The following ST3GAL1 variants were observed in gnomAD, a reference collection of about 807,000 sequenced individuals.
ST3GAL1 encodes the protein ST3 beta-galactoside alpha-2,3-sialyltransferase 1, also known as CMP-N-acetylneuraminate-beta-galactosamide-alpha-2,3-sialyltransferase 1.
ST3GAL1 carries 16 observed loss-of-function variants against 34.1 expected under a neutral mutation model. The observed-to-expected ratio is 0.47, with a 90% CI of 0.32 to 0.71. The LOEUF is 0.71. Among genes scored for constraint, ST3GAL1 ranks in the 30% least tolerant of loss-of-function variants. The pLI, the probability that ST3GAL1 is intolerant of heterozygous loss-of-function variation, is 0.04. For missense variants in ST3GAL1, 353 were observed against 447.4 expected, an observed-to-expected ratio of 0.79 and a Z score of 1.90; for synonymous variants, 191 against 184.7, an observed-to-expected ratio of 1.03 and a Z score of -0.28.
At chr8:133,517,593 G>C (rs1202512426) in intron 2 of ST3GAL1, among the ~76,000 whole-genome samples, 2 of 152,182 alleles carry the variant, frequency 1.3e-5, no homozygotes, top group Non-Finnish European at 2.9e-5. Flanking sequence ...CAAGTGATCT[G>C]CCTGCTTTGG....
intron 1 of ST3GAL1, among the ~76,000 whole-genome samples, chr8:133,547,984 G>C (rs1818718145): frequency 6.6e-6 from 1 of 152,164 alleles, no homozygotes; most frequent in African/African-American, 2.4e-5. Flanking sequence ...TTGTCTAAAG[G>C]CATTTGCCTG....
chr8:133,494,919 T>C (rs1242300974), intron 3 of ST3GAL1, among the ~76,000 whole-genome samples: 1 of 141,974 alleles, frequency 7.0e-6, no homozygotes, highest in East Asian at 2.1e-4. Context: ...TATTCTTTTT[T>C]TTTTTTTTTT....
chr8:133,561,393 C>G (rs1309236273), intron 1 of ST3GAL1, among the ~76,000 whole-genome samples: 1 of 152,124 alleles, frequency 6.6e-6, no homozygotes, highest in Non-Finnish European at 1.5e-5. Context: ...ATACCTGGGT[C>G]TCACCATCAG....
intron 3 of ST3GAL1, among the ~76,000 whole-genome samples, chr8:133,498,834 G>A (rs1040354064): frequency 2.0e-5 from 3 of 152,172 alleles, no homozygotes; most frequent in African/African-American, 7.2e-5. Context: ...TGGGAGAACA[G>A]ACCCAGGCTC....
rs1815529953 is a variant in ST3GAL1, at chr8:133,462,000, G to A, written c.730-6C>T. On this transcript the variant is annotated splice_region_variant and splice_polypyrimidine_tract_variant and intron_variant, in intron 8 of 9. Coordinates refer to ENST00000522652, the MANE Select transcript of ST3GAL1 (RefSeq NM_173344.3). The surrounding 1 kb of genome is among the most constrained non-coding windows in gnomAD (Gnocchi z 4.7). ...GCTGGGTGGTAGATCAGGATCTGCG[G>A]GGATGGGAAGACACGGCCCTTAGTG... is the stretch of plus-strand genomic sequence containing the variant. 1.2e-6 allele frequency: 2 copies of A among 1,614,060 alleles called. No homozygotes were observed. The highest frequency in any genetic ancestry group is 1.3e-5 in the African/African-American group (1 of 75,036).
chr8:133,515,002 T>G (rs1045364737), intron 2 of ST3GAL1, among the ~76,000 whole-genome samples: 2 of 152,106 alleles, frequency 1.3e-5, no homozygotes, highest in African/African-American at 4.8e-5. Context: ...CAAACCCTAC[T>G]CATATTTCAC....
chr8:133,457,849 A>T lies in ST3GAL1; in HGVS notation c.*1915T>A, dbSNP rs1815358609. ...CAGAGGGGGCTCCCCCGAGCCTGGG[A>T]GCACAGGCCCCATGCCTCCGTCACA... On this transcript the variant is annotated 3_prime_UTR_variant, in exon 10 of 10. Transcript: ENST00000522652. 1 of 152,242 alleles carries T rather than the reference A, an allele frequency of 6.6e-6. No homozygotes were observed. Among genetic ancestry groups the T allele is most frequent in the African/African-American group, 2.4e-5 (1 of 41,454 alleles). The allele number at this position is 152,242 out of a possible 1,614,324, so 9.4% of individuals were successfully genotyped here. A position where few individuals can be genotyped will look rare whatever the true frequency, so the allele number is the denominator to read the frequency against.
chr8:133,558,757 T>G (rs1383993451), intron 1 of ST3GAL1, among the ~76,000 whole-genome samples: 1 of 152,202 alleles, frequency 6.6e-6, no homozygotes, highest in Non-Finnish European at 1.5e-5. Flanking sequence ...TTTTTCTCCT[T>G]GTTTGGATTT....
chr8:133,567,952 A>C (rs1586676732), intron 1 of ST3GAL1, among the ~76,000 whole-genome samples: 2 of 141,178 alleles, frequency 1.4e-5, no homozygotes, highest in African/African-American at 5.4e-5. Flanking sequence ...AGACAGTCTC[A>C]CTCTGTCGCC....
At chr8:133,504,218 T>C (rs13281927) in intron 2 of ST3GAL1, among the ~76,000 whole-genome samples, 60,610 of 152,062 alleles carry the variant, frequency 0.4, 12,182 homozygotes, top group Middle Eastern at 0.5. Context: ...CCCAAGGTCA[T>C]GGAGCCAGCC....
intron 2 of ST3GAL1, among the ~76,000 whole-genome samples, chr8:133,510,737 A>G (rs190838773): frequency 1.3e-5 from 2 of 152,138 alleles, no homozygotes; most frequent in East Asian, 3.9e-4. Context: ...GGATTTACAA[A>G]CTCCATGCAC....
chr8:133,555,483 C>T (rs1313160724), intron 1 of ST3GAL1, among the ~76,000 whole-genome samples: 1 of 152,200 alleles, frequency 6.6e-6, no homozygotes, highest in African/African-American at 2.4e-5. Flanking sequence ...CAGTGACTCC[C>T]ACCCGCACCA....
Position 133,566,695 on chromosome 8 carries a change from T to C in ST3GAL1, c.-582+4998A>G, listed in dbSNP as rs568758127. 3.4e-3 allele frequency among the ~76,000 whole-genome samples: 524 copies of C among 152,280 alleles called. 6 individuals are homozygous for C. The highest frequency in any genetic ancestry group is 0.012 in the African/African-American group (490 of 41,554). On this transcript the variant is annotated intron_variant, in intron 1 of 9. Coordinates refer to ENST00000522652, the MANE Select transcript of ST3GAL1 (RefSeq NM_173344.3). The stretch of plus-strand genomic sequence containing the variant: ...CCATGCCACCCTCCCAAATCAGCTA[T>C]GAAAATCTGAGATAAAGTATACGGA...
At position 133,553,962 on chromosome 8, in the gene ST3GAL1, G is replaced by A. The variant is rs542847111; in HGVS notation, c.-581-8036C>T. 9.8e-5 allele frequency among the ~76,000 whole-genome samples: 15 copies of A among 152,292 alleles called. No individual in the cohort carries two copies. The South Asian group carries it at 3.1e-3, about 32-fold the overall frequency. On this transcript the variant is annotated intron_variant, in intron 1 of 9. Coordinates refer to ENST00000522652, the MANE Select transcript of ST3GAL1 (RefSeq NM_173344.3). ...GGCCAGGAGGAAGAGACACAAGGGAGAAGAGTACAGGGAGGTGTCCGGGGC... is the reference window on the plus strand; with the variant it reads ...GGCCAGGAGGAAGAGACACAAGGGAAAAGAGTACAGGGAGGTGTCCGGGGC...
intron 9 of ST3GAL1, among the ~76,000 whole-genome samples, chr8:133,460,873 C>T (rs945670111): frequency 1.3e-5 from 2 of 149,214 alleles, no homozygotes; most frequent in East Asian, 2.0e-4. Context: ...TGGGCTGCAG[C>T]GTGGAAGATA....
intron 5 of ST3GAL1, among the ~76,000 whole-genome samples, chr8:133,470,336 T>G (rs1470901039): frequency 1.3e-5 from 2 of 151,912 alleles, no homozygotes; most frequent in Non-Finnish European, 2.9e-5. Flanking sequence ...GGAGAATCAC[T>G]TGAACCCAGG....
intron 1 of ST3GAL1, among the ~76,000 whole-genome samples, chr8:133,555,201 C>T (rs949799712): frequency 6.6e-6 from 1 of 152,090 alleles, no homozygotes; most frequent in Non-Finnish European, 1.5e-5. Context: ...TTTCTTCACC[C>T]GTCTCAGCCT....
intron 6 of ST3GAL1, 140 bp downstream of exon 6, chr8:133,465,754 G>A (rs1815705936): frequency 4.6e-6 from 4 of 862,130 alleles, no homozygotes; most frequent in Non-Finnish European, 7.2e-6. Flanking sequence ...AGGGGGTGCA[G>A]TGTGGAGCCT....
intron 3 of ST3GAL1, among the ~76,000 whole-genome samples, chr8:133,490,446 T>C (rs1816752492): frequency 6.6e-6 from 1 of 152,210 alleles, no homozygotes. Context: ...TTCACACGCA[T>C]AAATCTGCTC....
Sources: gnomAD v4.1 joint callset for allele counts (sites outside exome capture counted in the v4.1 genomes callset) on GRCh38, gnomAD v4.1.1 for gene constraint, Gnocchi (gnomAD v3.1) non-coding constraint, MANE v1.5 for transcripts, NCBI Gene and HGNC (gene_info 2026-07-23, HGNC 2026-07-21) for gene names.